The following FNBP1L variants were observed in gnomAD, a reference collection of about 807,000 sequenced individuals.
The protein encoded by FNBP1L is formin binding protein 1 like.
In FNBP1L, 36 loss-of-function variants were observed where a neutral mutation model predicts 91.2. That is an observed-to-expected ratio of 0.39 (90% CI 0.30 to 0.52). The LOEUF (loss-of-function observed/expected upper bound fraction) is 0.52. Ranked by LOEUF, FNBP1L falls within the 20% of genes least tolerant of loss-of-function variation. The pLI is 0.66. For synonymous variants in FNBP1L, 242 were observed against 237.0 expected, an observed-to-expected ratio of 1.02 and a Z score of -0.19; for missense variants, 571 against 732.1, an observed-to-expected ratio of 0.78 and a Z score of 2.54.
At chr1:93,536,098 T>C (rs1671839446) in intron 9 of FNBP1L, among the ~76,000 whole-genome samples, 1 of 152,106 alleles carries the variant, frequency 6.6e-6, no homozygotes, top group African/African-American at 2.4e-5. Context: ...TCTGTGTTTT[T>C]AATTTGTCCG....
intron 1 of FNBP1L, among the ~76,000 whole-genome samples, chr1:93,458,986 C>T (rs1668766471): frequency 1.3e-5 from 2 of 152,118 alleles, no homozygotes. Context: ...ACAGTATATC[C>T]TCTGTGGGCT....
chr1:93,501,822 AAC>A (rs1288669129), intron 2 of FNBP1L, among the ~76,000 whole-genome samples: 2 of 152,220 alleles, frequency 1.3e-5, no homozygotes, highest in Admixed American at 1.3e-4. Flanking sequence ...CAGAGAATAT[AAC>A]AGTGTTTCTC....
chr1:93,546,865 A>G lies in FNBP1L; in HGVS notation c.1298A>G (p.Asp433Gly). 1.2e-6 allele frequency: 2 copies of G among 1,612,808 alleles called. No homozygotes were observed. The highest frequency in any genetic ancestry group is 1.7e-6 in the Non-Finnish European group (2 of 1,179,312). Reference sequence around the variant, plus strand: ...AGAGATGCACTCAACAAAATGAAAGATGTATATGAGAAGAATCCACAAATG... The same window carrying G: ...AGAGATGCACTCAACAAAATGAAAGGTGTATATGAGAAGAATCCACAAATG... ...DQKDALNKMK[D>G]VYEKNPQMGD... Residue 433 changes from aspartate to glycine, a missense_variant, in exon 13 of 17, where the codon GAT becomes GGT. By Grantham distance (94) the Asp-to-Gly change is moderately conservative. Transcript: ENST00000271234.
chr1:93,467,917 A>G (rs1669145416), intron 1 of FNBP1L, among the ~76,000 whole-genome samples: 1 of 152,198 alleles, frequency 6.6e-6, no homozygotes, highest in African/African-American at 2.4e-5. Flanking sequence ...CTTTCTAAAC[A>G]AAAGTTAAGA....
chr1:93,468,385 G>A (rs1669165306), intron 1 of FNBP1L, among the ~76,000 whole-genome samples: 1 of 151,676 alleles, frequency 6.6e-6, no homozygotes, highest in Non-Finnish European at 1.5e-5. Flanking sequence ...TCTATTTTTG[G>A]CATGAATAAT....
chr1:93,508,291 G>A (rs945091148), intron 2 of FNBP1L, among the ~76,000 whole-genome samples: 1 of 152,124 alleles, frequency 6.6e-6, no homozygotes, highest in Admixed American at 6.5e-5. Flanking sequence ...GGAGGTTTTA[G>A]TGAGCCAAGA....
chr1:93,484,399 T>C (rs1209669645), intron 1 of FNBP1L, among the ~76,000 whole-genome samples: 1 of 152,066 alleles, frequency 6.6e-6, no homozygotes, highest in Non-Finnish European at 1.5e-5. Context: ...TAGAGTAAAA[T>C]GGAAAGTGAG....
intron 1 of FNBP1L, among the ~76,000 whole-genome samples, chr1:93,492,165 G>A (rs561675505): frequency 6.6e-6 from 1 of 152,260 alleles, no homozygotes; most frequent in South Asian, 2.1e-4. Context: ...AAAACAATCT[G>A]ATACAGGTCT....
At chr1:93,519,680 T>C (rs1014804008) in intron 2 of FNBP1L, among the ~76,000 whole-genome samples, 1 of 152,210 alleles carries the variant, frequency 6.6e-6, no homozygotes, top group African/African-American at 2.4e-5. Flanking sequence ...CCAAGGAGGA[T>C]GACTCACACC....
At chr1:93,518,237 T>C (rs1310370455) in intron 2 of FNBP1L, among the ~76,000 whole-genome samples, 2 of 152,202 alleles carry the variant, frequency 1.3e-5, no homozygotes, top group Non-Finnish European at 2.9e-5. Context: ...AGTCATTTTA[T>C]ACAACAAATT....
chr1:93,495,469 T>A (rs1670231630), intron 1 of FNBP1L, among the ~76,000 whole-genome samples: 1 of 152,210 alleles, frequency 6.6e-6, no homozygotes, highest in Non-Finnish European at 1.5e-5. Flanking sequence ...TTTGTAGGTA[T>A]GCAAAGAAAA....
At chr1:93,484,816 G>A (rs1355830478) in intron 1 of FNBP1L, among the ~76,000 whole-genome samples, 1 of 152,178 alleles carries the variant, frequency 6.6e-6, no homozygotes, top group Non-Finnish European at 1.5e-5. Context: ...GATGTTGGGA[G>A]GCAGAGCAGT....
rs373416561 is a variant in FNBP1L at position 93,551,449 on chromosome 1, C to T, written c.1810+344C>T. 103 of 996,898 alleles carry T rather than the reference C, an allele frequency of 1.0e-4. No homozygotes were observed. The African/African-American group carries it at 1.3e-3, about 12-fold the overall frequency. 61.8% of individuals were successfully genotyped at this position (996,898 alleles called of 1,614,324 possible). ...GCAGGAATTCATGGATAGTAATGCT[C>T]TCTGCCCCCTTTACTTCAGAAAACA... On this transcript the variant is annotated intron_variant, in intron 16 of 16. Transcript: ENST00000271234.
intron 2 of FNBP1L, among the ~76,000 whole-genome samples, chr1:93,518,761 G>A (rs1671219153): frequency 6.6e-6 from 1 of 152,154 alleles, no homozygotes; most frequent in South Asian, 2.1e-4. Flanking sequence ...ACACTTGAGT[G>A]TTCTTTTAGT....
intron 5 of FNBP1L, among the ~76,000 whole-genome samples, chr1:93,526,575 C>T (rs1015666831): frequency 6.6e-6 from 1 of 152,136 alleles, no homozygotes; most frequent in African/African-American, 2.4e-5. Flanking sequence ...CTTACCTCTG[C>T]CCTGGCTGTG....
intron 1 of FNBP1L, among the ~76,000 whole-genome samples, chr1:93,463,309 G>T (rs77016314): frequency 6.6e-6 from 1 of 152,046 alleles, no homozygotes; most frequent in Non-Finnish European, 1.5e-5. Context: ...ACAGATCTGG[G>T]TGCTGGGTAT....
chr1:93,470,957 G>A (rs778285775), intron 1 of FNBP1L, among the ~76,000 whole-genome samples: 4 of 151,632 alleles, frequency 2.6e-5, no homozygotes, highest in East Asian at 3.9e-4. Flanking sequence ...TTTAGAATTC[G>A]ATTAGTTTCT....
chr1:93,543,295 T>C (rs1672112594), intron 11 of FNBP1L, among the ~76,000 whole-genome samples: 1 of 152,222 alleles, frequency 6.6e-6, no homozygotes, highest in Admixed American at 6.5e-5. Context: ...TTGGATCAGA[T>C]GTTTACGTTT....
chr1:93,464,420 T>A (rs1208142494), intron 1 of FNBP1L, among the ~76,000 whole-genome samples: 1 of 152,212 alleles, frequency 6.6e-6, no homozygotes, highest in Non-Finnish European at 1.5e-5. Flanking sequence ...TATGTTTCTA[T>A]CATATGTCTC....
Sources: allele counts gnomAD v4.1 joint callset (sites outside exome capture counted in the v4.1 genomes callset), GRCh38; gene constraint gnomAD v4.1.1; transcripts MANE v1.5; gene names NCBI Gene and HGNC (gene_info 2026-07-23, HGNC 2026-07-21).